The following PCDHGB4 variants were observed in gnomAD, a reference collection of about 807,000 sequenced individuals.
PCDHGB4 encodes the protein protocadherin gamma subfamily B, 4, also known as protocadherin gamma-B4.
Under a neutral mutation model 60.5 loss-of-function variants are expected in PCDHGB4, and 38 were observed. The ratio of observed to expected loss-of-function variants is 0.63; its 90% CI spans 0.48 to 0.82. The LOEUF (loss-of-function observed/expected upper bound fraction) is 0.82, where lower values mean the gene tolerates loss of function less well. Among genes scored for constraint, PCDHGB4 ranks in the 40% least tolerant of loss-of-function variants. The probability of loss-of-function intolerance (pLI) is 0.00; values close to 1 mark genes in which losing one functional copy is unlikely to be tolerated. For synonymous variants in PCDHGB4, 456 were observed against 509.7 expected (o/e 0.89, Z 1.42); for missense variants, 1,109 against 1,209.6 (o/e 0.92, Z 1.23).
chr5:141,438,631 TATATACACACAC>T (rs1290318462), intron 1 of PCDHGB4, among the ~76,000 whole-genome samples: 214 of 43,192 alleles, frequency 5.0e-3, no homozygotes, highest in Non-Finnish European at 6.1e-3. Flanking sequence ...TATATATATA[TATATACACACAC>T]ACACACACAT....
Position 141,439,440 on chromosome 5 carries a change from A to T in PCDHGB4, c.2397+49159A>T, listed in dbSNP as rs147662506. 1.4e-3 allele frequency among the ~76,000 whole-genome samples: 212 copies of T among 152,330 alleles called. 1 individual carries two copies. The highest frequency in any genetic ancestry group is 4.8e-3 in the African/African-American group (198 of 41,576). On this transcript the variant is annotated intron_variant, in intron 1 of 3. Transcript: ENST00000519479. Reference sequence around the variant, plus strand: ...GGTTATAAATTCCCAGGAATATTTTATTGCGGGAGCAAGACTGCACTGCTG... The same window carrying T: ...GGTTATAAATTCCCAGGAATATTTTTTTGCGGGAGCAAGACTGCACTGCTG...
At chr5:141,462,036 G>T (rs760555655) in intron 1 of PCDHGB4, among the ~76,000 whole-genome samples, 6 of 151,978 alleles carry the variant, frequency 3.9e-5, no homozygotes, top group Non-Finnish European at 8.8e-5. Flanking sequence ...TTGGTCAGGC[G>T]GGTCTTGAAC....
intron 1 of PCDHGB4, chr5:141,414,343 A>G: frequency 1.9e-6 from 3 of 1,613,882 alleles, no homozygotes; most frequent in Non-Finnish European, 2.5e-6. Flanking sequence ...AACCTGTTCC[A>G]TTTTGGCGTA....
chr5:141,423,230 G>C (rs1223173152), intron 1 of PCDHGB4: 1 of 1,613,872 alleles, frequency 6.2e-7, no homozygotes, highest in Admixed American at 1.7e-5. Context: ...GTGGCCGACA[G>C]CATCCCCGAA....
chr5:141,492,164 C>T (rs1180358388), intron 1 of PCDHGB4, among the ~76,000 whole-genome samples: 2 of 152,230 alleles, frequency 1.3e-5, no homozygotes, highest in East Asian at 1.9e-4. Context: ...CTCCCTATCC[C>T]CGCATCACCC....
At chr5:141,453,083 A>G (rs1404530649) in intron 1 of PCDHGB4, among the ~76,000 whole-genome samples, 1 of 152,044 alleles carries the variant, frequency 6.6e-6, no homozygotes, top group African/African-American at 2.4e-5. Flanking sequence ...CTGGTTGATT[A>G]GTATATTTTC....
intron 2 of PCDHGB4, among the ~76,000 whole-genome samples, chr5:141,499,869 G>A (rs1247615457): frequency 3.3e-5 from 5 of 151,938 alleles, no homozygotes; most frequent in Non-Finnish European, 5.9e-5. Context: ...TGTATTTTCA[G>A]TACAAACAGG....
chr5:141,464,043 T>C (rs2099074643), intron 1 of PCDHGB4, among the ~76,000 whole-genome samples: 2 of 152,074 alleles, frequency 1.3e-5, no homozygotes, highest in African/African-American at 4.8e-5. Context: ...GGCGGGTGGA[T>C]CACCTGAGGT....
At chr5:141,502,019 G>A (rs1454981730) in intron 2 of PCDHGB4, among the ~76,000 whole-genome samples, 1 of 152,008 alleles carries the variant, frequency 6.6e-6, no homozygotes, top group African/African-American at 2.4e-5. Flanking sequence ...TCTCCTCCCT[G>A]CAACCCCCGC....
Position 141,487,176 on chromosome 5 carries a change from A to G in PCDHGB4, c.2398-7631A>G. On this transcript the variant is annotated intron_variant, in intron 1 of 3. Coordinates refer to ENST00000519479, the MANE Select transcript of PCDHGB4 (RefSeq NM_003736.4). The surrounding 1 kb of genome is among the most constrained non-coding windows in gnomAD (Gnocchi z 5.0). ...ACTCTCTTAGTGTCCTTAGAGGAAGACACTCATCCAGTTGTCCCAGATCTT... is the reference window on the plus strand; with the variant it reads ...ACTCTCTTAGTGTCCTTAGAGGAAGGCACTCATCCAGTTGTCCCAGATCTT... 1 of 1,613,774 alleles carries G rather than the reference A, an allele frequency of 6.2e-7. No homozygotes were observed. The highest frequency in any genetic ancestry group is 8.5e-7 in the Non-Finnish European group (1 of 1,179,664).
chr5:141,511,265 A>G lies in PCDHGB4; in HGVS notation c.*92A>G. On this transcript the variant is annotated 3_prime_UTR_variant, in exon 4 of 4. Coordinates refer to ENST00000519479, the MANE Select transcript of PCDHGB4 (RefSeq NM_003736.4). ...ACCCAGGCCTCAGAGTTTCAGGGCT[A>G]ACCCCCAGAATACTGGTAGGGGCCA... The G allele has an allele frequency of 6.4e-7, 1 of 1,551,730 alleles. No individual in the cohort carries two copies. Among genetic ancestry groups the G allele is most frequent in the South Asian group, 1.2e-5 (1 of 83,132 alleles).
intron 1 of PCDHGB4, chr5:141,403,947 A>C (rs1451597441): frequency 6.2e-7 from 1 of 1,613,886 alleles, no homozygotes; most frequent in Admixed American, 1.7e-5. Flanking sequence ...GGGTGGACAA[A>C]AGTGCTCATT....
chr5:141,403,953 T>C, intron 1 of PCDHGB4: 1 of 1,613,860 alleles, frequency 6.2e-7, no homozygotes, highest in South Asian at 1.1e-5. Flanking sequence ...ACAAAAGTGC[T>C]CATTTCGGTG....
intron 1 of PCDHGB4, chr5:141,399,627 C>T (rs751717107): frequency 1.2e-6 from 2 of 1,613,906 alleles, no homozygotes; most frequent in Non-Finnish European, 1.7e-6. Context: ...TGGCCTCTTA[C>T]GTGTCCATGA....
In PCDHGB4 at chr5:141,388,706, T is replaced by C. The variant is rs1189291267; in HGVS notation, c.822T>C (p.Asn274=). The C allele has an allele frequency of 1.2e-6, 2 of 1,613,856 alleles. No individual in the cohort carries two copies. The highest frequency in any genetic ancestry group is 2.7e-5 in the African/African-American group (2 of 74,926). ...CCACGGACCAGGATGAGGGTGTCAA[T>C]GCCGAGATTACTTTCTCTTTCAGTG... The part of the protein sequence containing the change: ...VTATDQDEGV[N]AEITFSFSEA... The change falls in exon 1 of 4, where the codon AAT becomes AAC. Residue 274 remains asparagine (N), a synonymous_variant. Coordinates refer to ENST00000519479, the MANE Select transcript of PCDHGB4 (RefSeq NM_003736.4).
In PCDHGB4 at chr5:141,389,915, C is replaced by T. The variant is rs371220204; in HGVS notation, c.2031C>T (p.Pro677=). The change falls in exon 1 of 4, where the codon CCC becomes CCT. Residue 677 remains proline, a synonymous_variant. Transcript: ENST00000519479. ...TGCTGCCGGATATCACTGACCGCCC[C>T]GACCCCTCTGACCTCCAGGCTGAGC... ...QEVLPDITDR[P]DPSDLQAELQ... 2.2e-5 allele frequency: 36 copies of T among 1,613,944 alleles called. No homozygotes were observed. The highest frequency in any genetic ancestry group is 4.2e-6 in the Non-Finnish European group (5 of 1,179,906).
chr5:141,449,040 C>A (rs1333983931), intron 1 of PCDHGB4, among the ~76,000 whole-genome samples: 2 of 152,126 alleles, frequency 1.3e-5, no homozygotes, highest in Non-Finnish European at 2.9e-5. Flanking sequence ...GGATTATTAA[C>A]CAGTCTCATA....
In PCDHGB4 at chr5:141,477,292, A is replaced by G; in HGVS notation, c.2398-17515A>G. The G allele has an allele frequency of 1.2e-6, 2 of 1,614,114 alleles. No individual in the cohort carries two copies. The highest frequency in any genetic ancestry group is 4.5e-5 in the East Asian group (2 of 44,862). On this transcript the variant is annotated intron_variant, in intron 1 of 3. Transcript: ENST00000519479. The surrounding 1 kb of genome is among the most constrained non-coding windows in gnomAD (Gnocchi z 4.9). ...ACGGGCTGGTGACCTGCGAAGTTCCACCGGGTCTCCCTTTCAGCCTTACTT... is the reference window on the plus strand; with the variant it reads ...ACGGGCTGGTGACCTGCGAAGTTCCGCCGGGTCTCCCTTTCAGCCTTACTT...
intron 1 of PCDHGB4, chr5:141,414,202 G>A: frequency 6.2e-7 from 1 of 1,611,912 alleles, no homozygotes; most frequent in Non-Finnish European, 8.5e-7. Flanking sequence ...TACAGTAGAA[G>A]ATGTAAATGA....
Sources: gnomAD v4.1 joint callset for allele counts (sites outside exome capture counted in the v4.1 genomes callset) on GRCh38, gnomAD v4.1.1 for gene constraint, Gnocchi (gnomAD v3.1) non-coding constraint, MANE v1.5 for transcripts, NCBI Gene and HGNC (gene_info 2026-07-23, HGNC 2026-07-21) for gene names.